The following ROBO2 variants were observed in gnomAD, a reference collection of about 807,000 sequenced individuals.
ROBO2 encodes roundabout homolog 2.
In ROBO2, 53 loss-of-function variants were observed where a neutral mutation model predicts 160.8. That is an observed-to-expected ratio of 0.33 (90% confidence interval 0.26 to 0.41). The LOEUF is 0.41. Among genes scored for constraint, ROBO2 ranks in the 10% least tolerant of loss-of-function variants. The pLI is 1.00. For synonymous variants in ROBO2, 664 were observed against 611.7 expected, an observed-to-expected ratio of 1.09 and a Z score of -1.26; for missense variants, 1,577 against 1,722.4, an observed-to-expected ratio of 0.92 and a Z score of 1.49.
At chr3:77,391,129 T>G (rs1400390547) in intron 2 of ROBO2, among the ~76,000 whole-genome samples, 2 of 152,054 alleles carry the variant, frequency 1.3e-5, no homozygotes, top group Non-Finnish European at 2.9e-5. Context: ...GAGGAGAATA[T>G]TTTATTATAT....
chr3:77,150,092 A>G (rs1329398336), intron 2 of ROBO2, among the ~76,000 whole-genome samples: 1 of 152,166 alleles, frequency 6.6e-6, no homozygotes, highest in African/African-American at 2.4e-5. Context: ...CAAAAATTAG[A>G]TGTGGAGGAA....
At chr3:76,929,532 T>A (rs2077202705) in intron 2 of ROBO2, among the ~76,000 whole-genome samples, 1 of 152,236 alleles carries the variant, frequency 6.6e-6, no homozygotes, top group Admixed American at 6.5e-5. Flanking sequence ...TGGGTCATTG[T>A]AATAGATTTC....
At chr3:77,358,835 T>G (rs1321599855) in intron 2 of ROBO2, among the ~76,000 whole-genome samples, 1 of 152,178 alleles carries the variant, frequency 6.6e-6, no homozygotes, top group East Asian at 1.9e-4. Context: ...GAAGAGCATA[T>G]AGTATTCAAG....
chr3:77,586,924 A>G (rs1208959754), intron 16 of ROBO2, among the ~76,000 whole-genome samples: 1 of 151,230 alleles, frequency 6.6e-6, no homozygotes, highest in Non-Finnish European at 1.5e-5. Context: ...CAGATTTACT[A>G]CATAAATGAC....
At chr3:76,576,617 A>C (rs961057659) in intron 2 of ROBO2, among the ~76,000 whole-genome samples, 2 of 151,672 alleles carry the variant, frequency 1.3e-5, no homozygotes, top group African/African-American at 4.8e-5. Flanking sequence ...TTTATTTTTA[A>C]AATCTCATTT....
intron 2 of ROBO2, among the ~76,000 whole-genome samples, chr3:76,334,204 A>G (rs1351562828): frequency 6.6e-6 from 1 of 152,198 alleles, no homozygotes; most frequent in East Asian, 1.9e-4. Flanking sequence ...CATCATTATT[A>G]TCATTGCCTG....
intron 2 of ROBO2, among the ~76,000 whole-genome samples, chr3:76,100,483 T>G (rs1429061132): frequency 1.3e-5 from 2 of 152,170 alleles, no homozygotes; most frequent in Non-Finnish European, 2.9e-5. Flanking sequence ...TTGCAAACCT[T>G]TTGTTCATAC....
chr3:76,080,668 T>A (rs966571149), intron 2 of ROBO2, among the ~76,000 whole-genome samples: 4 of 152,216 alleles, frequency 2.6e-5, no homozygotes, highest in Admixed American at 2.6e-4. Flanking sequence ...TAAAATTAGA[T>A]GTCAGTCTTT....
chr3:76,691,563 G>A (rs1175485180), intron 2 of ROBO2, among the ~76,000 whole-genome samples: 2 of 152,156 alleles, frequency 1.3e-5, no homozygotes, highest in African/African-American at 2.4e-5. Flanking sequence ...TAGAGCTAGA[G>A]GAAAAAGAGG....
At chr3:76,274,244 T>A (rs1277753149) in intron 2 of ROBO2, among the ~76,000 whole-genome samples, 2 of 152,148 alleles carry the variant, frequency 1.3e-5, no homozygotes, top group Non-Finnish European at 2.9e-5. Flanking sequence ...TTTCTTGAAC[T>A]TTTGTGGAGC....
At chr3:77,338,750 G>T (rs914459441) in intron 2 of ROBO2, among the ~76,000 whole-genome samples, 1 of 152,110 alleles carries the variant, frequency 6.6e-6, no homozygotes, top group Non-Finnish European at 1.5e-5. Flanking sequence ...TATAGGTCAA[G>T]AAAATTACTA....
intron 2 of ROBO2, among the ~76,000 whole-genome samples, chr3:76,667,081 T>A (rs1464978575): frequency 6.6e-6 from 1 of 152,136 alleles, no homozygotes; most frequent in Non-Finnish European, 1.5e-5. Flanking sequence ...GCAACATACT[T>A]GTATTGAGAA....
intron 2 of ROBO2, among the ~76,000 whole-genome samples, chr3:77,371,795 C>T (rs1015151964): frequency 4.6e-5 from 7 of 152,066 alleles, no homozygotes; most frequent in Admixed American, 3.3e-4. Flanking sequence ...GATTTTTATC[C>T]GGGACCAGGC....
At chr3:76,128,257 A>G (rs2071079677) in intron 2 of ROBO2, among the ~76,000 whole-genome samples, 1 of 152,046 alleles carries the variant, frequency 6.6e-6, no homozygotes, top group South Asian at 2.1e-4. Flanking sequence ...ATTTACACAC[A>G]GTTATGGGCC....
intron 2 of ROBO2, among the ~76,000 whole-genome samples, chr3:76,248,264 G>C (rs1043048598): frequency 1.2e-4 from 19 of 152,090 alleles, no homozygotes; most frequent in African/African-American, 4.3e-4. Flanking sequence ...ATGATAGACT[G>C]GATTAAGAAA....
chr3:77,099,813 G>T (rs2071653167), intron 2 of ROBO2, among the ~76,000 whole-genome samples: 1 of 151,970 alleles, frequency 6.6e-6, no homozygotes, highest in African/African-American at 2.4e-5. Context: ...AAAAAGTTTA[G>T]GTGACCAAGA....
intron 2 of ROBO2, among the ~76,000 whole-genome samples, chr3:76,799,280 T>G (rs981520141): frequency 2.6e-5 from 4 of 151,134 alleles, no homozygotes; most frequent in African/African-American, 9.7e-5. Context: ...TCCTGCTGAA[T>G]GGGAAAAAAT....
intron 2 of ROBO2, among the ~76,000 whole-genome samples, chr3:76,070,888 G>A (rs537162364): frequency 1.8e-4 from 28 of 152,212 alleles, no homozygotes; most frequent in Non-Finnish European, 3.7e-4. Flanking sequence ...TTGAATTTGC[G>A]ATTCTTTGAG....
intron 2 of ROBO2, among the ~76,000 whole-genome samples, chr3:76,886,302 A>G (rs965265634): frequency 6.6e-6 from 1 of 151,946 alleles, no homozygotes; most frequent in Non-Finnish European, 1.5e-5. Flanking sequence ...AGATAACTTC[A>G]TTAAAGCTTT....
Sources: allele counts gnomAD v4.1 joint callset (sites outside exome capture counted in the v4.1 genomes callset), GRCh38; gene constraint gnomAD v4.1.1; transcripts MANE v1.5; gene names NCBI Gene and HGNC (gene_info 2026-07-23, HGNC 2026-07-21).